Variants in FXN observed in about 807,000 individuals in gnomAD.
FXN encodes the protein frataxin.
In FXN, 14 loss-of-function variants were observed where a neutral mutation model predicts 22.4. That is an observed-to-expected ratio of 0.62 (90% CI 0.41 to 0.98). The LOEUF is 0.98. FXN is among the 50% of genes least tolerant of loss of function. The pLI is 0.00. For synonymous variants in FXN, 120 were observed against 114.1 expected, an observed-to-expected ratio of 1.05 and a Z score of -0.33; for missense variants, 267 against 268.4, an observed-to-expected ratio of 0.99 and a Z score of 0.04.
intron 3 of FXN, among the ~76,000 whole-genome samples, chr9:69,063,421 T>C (rs1480349028): frequency 6.6e-6 from 1 of 152,120 alleles, no homozygotes; most frequent in Non-Finnish European, 1.5e-5. Context: ...CCGCCAACAA[T>C]TGTAGTCAAG....
intron 3 of FXN, among the ~76,000 whole-genome samples, chr9:69,054,513 CTGTT>C (rs990645737): frequency 4.6e-5 from 7 of 151,886 alleles, no homozygotes; most frequent in African/African-American, 1.2e-4. Context: ...GTTTGTTTGT[CTGTT>C]TGTTTGTTTT....
At chr9:69,066,253 G>A (rs551580438) in intron 4 of FXN, among the ~76,000 whole-genome samples, 182 of 152,316 alleles carry the variant, frequency 1.2e-3, no homozygotes, top group African/African-American at 4.2e-3. Context: ...TTCTTTGAAA[G>A]ACTAACGGTA....
At position 69,065,132 on chromosome 9, in the gene FXN, G is replaced by A. The variant is rs1449709295; in HGVS notation, c.482+97G>A. On this transcript the variant is annotated intron_variant, in intron 4 of 4. Coordinates refer to ENST00000484259, the MANE Select transcript of FXN (RefSeq NM_000144.5). ...TTAAGAAATGTCGGCTGAGCACAGT[G>A]GCTGACACCTGTAATCCCAACACTT... 4.1e-5 allele frequency: 37 copies of A among 908,674 alleles called. 1 individual carries two copies. The highest frequency in any genetic ancestry group is 4.2e-4 in the Middle Eastern group (2 of 4,710). 56.3% of individuals were successfully genotyped at this position (908,674 alleles called of 1,614,324 possible).
At chr9:69,036,568 CA>C (rs1260614488) in intron 1 of FXN, among the ~76,000 whole-genome samples, 1 of 152,224 alleles carries the variant, frequency 6.6e-6, no homozygotes, top group Non-Finnish European at 1.5e-5. Flanking sequence ...CCCCACTCCG[CA>C]GAGCTGTGTG....
chr9:69,063,261 TG>T (rs1201548196), intron 3 of FXN, among the ~76,000 whole-genome samples: 7 of 152,198 alleles, frequency 4.6e-5, no homozygotes, highest in African/African-American at 1.4e-4. Flanking sequence ...CGCTGGTTAA[TG>T]GGATTGAGAG....
intron 4 of FXN, 117 bp downstream of exon 4, chr9:69,065,152 A>G (rs1832146508): frequency 1.3e-6 from 1 of 775,238 alleles, no homozygotes; most frequent in Non-Finnish European, 2.2e-6. Flanking sequence ...TGTAATCCCA[A>G]CACTTTGAGA....
chr9:69,046,567 C>A, intron 2 of FXN, 85 bp downstream of exon 2: 5 of 887,376 alleles, frequency 5.6e-6, no homozygotes, highest in South Asian at 2.8e-5. Context: ...TCTTCCTGAG[C>A]AGCAACAATC....
chr9:69,036,254 G>A (rs554953238), intron 1 of FXN: 8 of 208,950 alleles, frequency 3.8e-5, no homozygotes, highest in Non-Finnish European at 6.6e-5. Context: ...GTTCCGAGGG[G>A]TGTGCGGCTG....
At position 69,041,411 on chromosome 9, in the gene FXN, A is replaced by C. The variant is rs925133281; in HGVS notation, c.166-4974A>C. 2.6e-5 allele frequency among the ~76,000 whole-genome samples: 4 copies of C among 152,334 alleles called. No individual in the cohort carries two copies. In the East Asian group the frequency reaches 7.7e-4, roughly 29 times the overall value. On this transcript the variant is annotated intron_variant, in intron 1 of 4. Transcript: ENST00000484259. ...TATCACACTGTAAATCACACTATCC[A>C]GGTTCCTTTAGGTGACATTTGGTTG... is the stretch of plus-strand genomic sequence containing the variant.
chr9:69,057,242 G>T (rs1374335555), intron 3 of FXN, among the ~76,000 whole-genome samples: 1 of 152,188 alleles, frequency 6.6e-6, no homozygotes, highest in African/African-American at 2.4e-5. Flanking sequence ...AAGATAGTTT[G>T]TTGAGTCAGT....
chr9:69,037,522 G>A (rs1024209326), intron 1 of FXN, among the ~76,000 whole-genome samples: 5 of 152,052 alleles, frequency 3.3e-5, no homozygotes, highest in Non-Finnish European at 7.4e-5. Flanking sequence ...AGCATCTCTG[G>A]AAAAATAGGC....
Position 69,065,048 on chromosome 9 carries a change from G to A in FXN, c.482+13G>A. On this transcript the variant is annotated intron_variant, in intron 4 of 4. Transcript: ENST00000484259. Reference sequence around the variant, plus strand: ...CTTCTCCATCCAGGTATGTAGGTATGTTCAGAAGTCAACATATGTAATTCT... The same window carrying A: ...CTTCTCCATCCAGGTATGTAGGTATATTCAGAAGTCAACATATGTAATTCT... 1 of 1,592,556 alleles carries A rather than the reference G, an allele frequency of 6.3e-7. No homozygotes were observed. Among genetic ancestry groups the A allele is most frequent in the Non-Finnish European group, 8.6e-7 (1 of 1,160,318 alleles).
At chr9:69,055,916 C>T (rs1232974431) in intron 3 of FXN, among the ~76,000 whole-genome samples, 2 of 151,994 alleles carry the variant, frequency 1.3e-5, no homozygotes, top group Non-Finnish European at 2.9e-5. Context: ...CAGGGCCTCG[C>T]TCTGTCACCC....
At position 69,057,133 on chromosome 9, in the gene FXN, A is replaced by G. The variant is rs559347348; in HGVS notation, c.384+3873A>G. Among the ~76,000 whole-genome samples the G allele has an allele frequency of 2.6e-5, 4 of 152,304 alleles. No individual in the cohort carries two copies. In the South Asian group the frequency reaches 8.3e-4, roughly 32 times the overall value. On this transcript the variant is annotated intron_variant, in intron 3 of 4. Coordinates refer to ENST00000484259, the MANE Select transcript of FXN (RefSeq NM_000144.5). ...CCTTAGGGGAAAAAAAACTAATGGC[A>G]GTTAGGGAGGGAATAGAACGAGTCC...
At position 69,076,781 on chromosome 9, in the gene FXN, A is replaced by G. The variant is rs2133145880; in HGVS notation, c.*4019A>G. On this transcript the variant is annotated 3_prime_UTR_variant, in exon 5 of 5. Coordinates refer to ENST00000484259, the MANE Select transcript of FXN (RefSeq NM_000144.5). ...CCAGTTGGATTCTTGGCACATAGTT[A>G]TCTTCTGCTAGAACAAACTAAAACA... 1.0e-6 allele frequency: 1 copy of G among 985,474 alleles called. No individual in the cohort carries two copies. The highest frequency in any genetic ancestry group is 1.2e-6 in the Non-Finnish European group (1 of 829,946). The allele number at this position is 985,474 out of a possible 1,614,324, so 61.0% of individuals were successfully genotyped here.
intron 2 of FXN, among the ~76,000 whole-genome samples, chr9:69,046,782 A>G (rs2133102898): frequency 6.6e-6 from 1 of 152,234 alleles, no homozygotes; most frequent in East Asian, 1.9e-4. Flanking sequence ...CAAATATTTA[A>G]TAGCTCAAAC....
chr9:69,069,582 A>G (rs946588611), intron 4 of FXN, among the ~76,000 whole-genome samples: 2 of 152,226 alleles, frequency 1.3e-5, no homozygotes, highest in African/African-American at 4.8e-5. Flanking sequence ...GGAGGGGAAC[A>G]GGGAAACCAG....
chr9:69,068,249 G>A (rs961962541), intron 4 of FXN, among the ~76,000 whole-genome samples: 19 of 152,188 alleles, frequency 1.2e-4, no homozygotes, highest in Non-Finnish European at 4.4e-5. Context: ...GGAGTGGCCT[G>A]TGCTAAGGGG....
At chr9:69,038,010 A>G (rs922846332) in intron 1 of FXN, among the ~76,000 whole-genome samples, 1 of 152,198 alleles carries the variant, frequency 6.6e-6, no homozygotes, top group African/African-American at 2.4e-5. Flanking sequence ...TTTAGATGGT[A>G]CCTGGTGGCT....
Sources: gnomAD v4.1 joint callset for allele counts (sites outside exome capture counted in the v4.1 genomes callset) on GRCh38, gnomAD v4.1.1 for gene constraint, MANE v1.5 for transcripts, NCBI Gene and HGNC (gene_info 2026-07-23, HGNC 2026-07-21) for gene names.